The following THSD4 variants were observed in gnomAD, a reference collection of about 807,000 sequenced individuals.
The protein encoded by THSD4 is thrombospondin type 1 domain containing 4.
THSD4 carries 69 observed loss-of-function variants against 119.0 expected under a neutral mutation model. The observed-to-expected ratio is 0.58, with a 90% CI of 0.48 to 0.71. The LOEUF (loss-of-function observed/expected upper bound fraction) is 0.71, where lower values mean the gene tolerates loss of function less well. Among genes scored for constraint, THSD4 ranks in the 30% least tolerant of loss-of-function variants. THSD4 has a pLI of 0.00. For synonymous variants in THSD4, 524 were observed against 540.4 expected, an observed-to-expected ratio of 0.97 and a Z score of 0.42; for missense variants, 1,393 against 1,391.1, an observed-to-expected ratio of 1.00 and a Z score of -0.02.
chr15:71,263,446 T>C (rs1434420377), intron 6 of THSD4, among the ~76,000 whole-genome samples: 1 of 151,956 alleles, frequency 6.6e-6, no homozygotes, highest in African/African-American at 2.4e-5. Flanking sequence ...TACATGCATA[T>C]GTTCATAATG....
intron 6 of THSD4, among the ~76,000 whole-genome samples, chr15:71,269,193 A>G (rs1489367005): frequency 1.3e-5 from 2 of 152,216 alleles, no homozygotes; most frequent in Non-Finnish European, 2.9e-5. Context: ...TGATGCGAAA[A>G]TTCTCAATAA....
At chr15:71,116,536 A>T (rs767111566) in intron 1 of THSD4, among the ~76,000 whole-genome samples, 3 of 152,162 alleles carry the variant, frequency 2.0e-5, no homozygotes, top group Non-Finnish European at 4.4e-5. Context: ...TTGCCGTCTT[A>T]CTAAAAGTGC....
exon 1 of THSD4, chr15:71,096,961 A>G (rs182296256): frequency 1.3e-5 from 2 of 152,344 alleles, no homozygotes; most frequent in Admixed American, 6.5e-5. Flanking sequence ...GATCAGACCA[A>G]CGTGAATTGA....
At chr15:71,567,663 A>G (rs958182574) in intron 7 of THSD4, among the ~76,000 whole-genome samples, 3 of 151,722 alleles carry the variant, frequency 2.0e-5, no homozygotes, top group South Asian at 2.1e-4. Context: ...TGCCTTCAGG[A>G]GCTGAGAGAG....
intron 6 of THSD4, among the ~76,000 whole-genome samples, chr15:71,311,146 C>G (rs900316808): frequency 6.6e-6 from 1 of 152,074 alleles, no homozygotes; most frequent in African/African-American, 2.4e-5. Flanking sequence ...TCCAAGAGGC[C>G]GTCAAAGTTC....
At chr15:71,105,091 A>G (rs2040268654) in intron 1 of THSD4, among the ~76,000 whole-genome samples, 1 of 151,868 alleles carries the variant, frequency 6.6e-6, no homozygotes, top group South Asian at 2.1e-4. Context: ...ATTTTTAAGG[A>G]TTTTCTAGGG....
intron 7 of THSD4, among the ~76,000 whole-genome samples, chr15:71,615,731 G>C (rs935502305): frequency 4.6e-5 from 7 of 152,132 alleles, no homozygotes; most frequent in Non-Finnish European, 1.0e-4. Flanking sequence ...ATGAGAAAGG[G>C]TGTAAACAAC....
At chr15:71,204,229 G>T (rs2043825847) in intron 3 of THSD4, among the ~76,000 whole-genome samples, 1 of 152,180 alleles carries the variant, frequency 6.6e-6, no homozygotes, top group Non-Finnish European at 1.5e-5. Context: ...CCATGTGGCT[G>T]GTGATGAAAG....
At chr15:71,663,329 AG>A (rs756230614) in intron 8 of THSD4, among the ~76,000 whole-genome samples, 16 of 152,214 alleles carry the variant, frequency 1.1e-4, no homozygotes, top group Non-Finnish European at 1.2e-4. Context: ...CCCAAAGATC[AG>A]TGGGGTGCAC....
chr15:71,445,176 G>A (rs190848048), intron 7 of THSD4, among the ~76,000 whole-genome samples: 1 of 152,134 alleles, frequency 6.6e-6, no homozygotes, highest in Admixed American at 6.6e-5. Context: ...TTCTTCTATA[G>A]TGCTGTTACT....
chr15:71,589,282 A>G lies in THSD4; in HGVS notation c.1153-71248A>G, dbSNP rs180868387. 1.4e-3 allele frequency among the ~76,000 whole-genome samples: 192 copies of G among 141,174 alleles called. 11 individuals are homozygous for G. The highest frequency in any genetic ancestry group is 4.4e-3 in the African/African-American group (176 of 40,444). 92.6% of individuals were successfully genotyped at this position (141,174 alleles called of 152,430 possible). A position where few individuals can be genotyped will look rare whatever the true frequency, so the allele number is the denominator to read the frequency against. On this transcript the variant is annotated intron_variant, in intron 7 of 17. Transcript: ENST00000261862. ...AGTCCTATTTCATAAAATAGTTCCA[A>G]TTTGTGTGTGTTTGTGTGTGTGCAT...
chr15:71,774,675 G>A (rs369529061), intron 17 of THSD4, among the ~76,000 whole-genome samples: 5 of 151,968 alleles, frequency 3.3e-5, no homozygotes, highest in African/African-American at 1.2e-4. Flanking sequence ...TACTCAGGAC[G>A]CAGAGGCAGG....
intron 3 of THSD4, chr15:71,164,857 C>G: frequency 6.3e-7 from 1 of 1,577,928 alleles, no homozygotes; most frequent in Non-Finnish European, 8.6e-7. Flanking sequence ...CATCTTCCTC[C>G]TCTTCCTTCT....
intron 11 of THSD4, among the ~76,000 whole-genome samples, chr15:71,741,800 C>A (rs2053241606): frequency 6.6e-6 from 1 of 152,150 alleles, no homozygotes; most frequent in African/African-American, 2.4e-5. Context: ...GGCACCAGTT[C>A]TCAGGCCCAA....
intron 8 of THSD4, among the ~76,000 whole-genome samples, chr15:71,688,995 G>A (rs1021354767): frequency 1.3e-5 from 2 of 152,096 alleles, no homozygotes; most frequent in East Asian, 3.9e-4. Context: ...ATAAAGCTCA[G>A]GAACGCCTTT....
chr15:71,199,641 G>GTGTA (rs2043761384), intron 3 of THSD4, among the ~76,000 whole-genome samples: 1 of 139,966 alleles, frequency 7.1e-6, no homozygotes, highest in African/African-American at 2.9e-5. Flanking sequence ...TGTGTGGTGT[G>GTGTA]TGTGTGGTGT....
intron 1 of THSD4, among the ~76,000 whole-genome samples, chr15:71,103,076 AT>A (rs1156476750): frequency 6.6e-6 from 1 of 151,172 alleles, no homozygotes; most frequent in Admixed American, 6.6e-5. Context: ...ATGCTGAGTA[AT>A]TTGGGATTAT....
At chr15:71,651,634 A>G (rs191358280) in intron 7 of THSD4, among the ~76,000 whole-genome samples, 15 of 144,746 alleles carry the variant, frequency 1.0e-4, no homozygotes, top group Non-Finnish European at 2.0e-4. Flanking sequence ...CAAGATTTGA[A>G]TATTTCACCC....
chr15:71,343,185 A>G (rs1596351595), intron 6 of THSD4, among the ~76,000 whole-genome samples: 1 of 152,188 alleles, frequency 6.6e-6, no homozygotes, highest in South Asian at 2.1e-4. Context: ...GAAGTTCAAG[A>G]CCAGCCTGCA....
Sources: gnomAD v4.1 joint callset for allele counts (sites outside exome capture counted in the v4.1 genomes callset) on GRCh38, gnomAD v4.1.1 for gene constraint, MANE v1.5 for transcripts, NCBI Gene and HGNC (gene_info 2026-07-23, HGNC 2026-07-21) for gene names.